The following SLC35F3 variants were observed in gnomAD, a reference collection of about 807,000 sequenced individuals.
SLC35F3 encodes putative thiamine transporter SLC35F3.
Under a neutral mutation model 49.9 loss-of-function variants are expected in SLC35F3, and 25 were observed. The ratio of observed to expected loss-of-function variants is 0.50; its 90% confidence interval spans 0.37 to 0.70. The LOEUF (loss-of-function observed/expected upper bound fraction) is 0.70. Ranked by LOEUF, SLC35F3 falls within the 30% of genes least tolerant of loss-of-function variation. SLC35F3 has a pLI of 0.00. For synonymous variants in SLC35F3, 275 were observed against 265.4 expected (o/e 1.04, Z -0.35); for missense variants, 525 against 639.8 (o/e 0.82, Z 1.94).
chr1:234,230,093 AG>A (rs1211157966), intron 2 of SLC35F3, among the ~76,000 whole-genome samples: 1 of 152,234 alleles, frequency 6.6e-6, no homozygotes, highest in Non-Finnish European at 1.5e-5. Context: ...TTATTAATAA[AG>A]CAAGTAATGA....
chr1:234,111,939 C>T (rs553719587), intron 2 of SLC35F3, among the ~76,000 whole-genome samples: 5 of 152,312 alleles, frequency 3.3e-5, no homozygotes, highest in Admixed American at 1.3e-4. Flanking sequence ...GGGAGACAAG[C>T]GCCTGAGAAT....
intron 3 of SLC35F3, among the ~76,000 whole-genome samples, chr1:234,307,603 C>T (rs1657230832): frequency 6.6e-6 from 1 of 152,194 alleles, no homozygotes; most frequent in African/African-American, 2.4e-5. Context: ...TTAAGTGGCA[C>T]AGACCAGAGC....
chr1:234,098,856 G>C (rs915121671), intron 2 of SLC35F3, among the ~76,000 whole-genome samples: 191 of 150,860 alleles, frequency 1.3e-3, no homozygotes, highest in Non-Finnish European at 2.5e-3. Flanking sequence ...GGTGGTGGCA[G>C]TTCAGATGGC....
chr1:234,181,338 G>GAAAAAAAAAAAAAAAAGAAAGGAAGAAAA, intron 2 of SLC35F3, among the ~76,000 whole-genome samples: 1 of 97,310 alleles, frequency 1.0e-5, no homozygotes, highest in South Asian at 3.0e-4. Context: ...TCTGTCTCAA[G>GAAAAAAAAAAAAAAAAGAAAGGAAGAAAA]AAAAAAAAAA....
chr1:233,944,259 T>C (rs1471258453), intron 2 of SLC35F3, among the ~76,000 whole-genome samples: 1 of 152,200 alleles, frequency 6.6e-6, no homozygotes, highest in Non-Finnish European at 1.5e-5. Flanking sequence ...AGTTGTTTTT[T>C]TGAAAAAAGT....
At chr1:234,069,415 A>C (rs930047873) in intron 2 of SLC35F3, among the ~76,000 whole-genome samples, 1 of 151,498 alleles carries the variant, frequency 6.6e-6, no homozygotes, top group Admixed American at 6.6e-5. Context: ...GTGCCACCAC[A>C]CCTGGCTAAC....
At chr1:234,100,186 A>G (rs1419937085) in intron 2 of SLC35F3, among the ~76,000 whole-genome samples, 2 of 152,252 alleles carry the variant, frequency 1.3e-5, no homozygotes, top group South Asian at 2.1e-4. Flanking sequence ...GAATACCATT[A>G]TCATCACTAT....
In SLC35F3 at chr1:234,318,949, T is replaced by C; in HGVS notation, c.1147+6T>C. 1 of 1,612,576 alleles carries C rather than the reference T, an allele frequency of 6.2e-7. No individual in the cohort carries two copies. The highest frequency in any genetic ancestry group is 1.1e-5 in the South Asian group (1 of 90,764). Reference sequence around the variant, plus strand: ...ATTTTCAGTTCTTTTATTGAGTAAGTGCTAATCACCTGTCCAGAATTCCCA... The same window carrying C: ...ATTTTCAGTTCTTTTATTGAGTAAGCGCTAATCACCTGTCCAGAATTCCCA... On this transcript the variant is annotated splice_donor_region_variant and intron_variant, in intron 6 of 7. Transcript: ENST00000366618.
At chr1:233,974,279 G>C (rs1275090919) in intron 2 of SLC35F3, among the ~76,000 whole-genome samples, 1 of 149,442 alleles carries the variant, frequency 6.7e-6, no homozygotes, top group African/African-American at 2.5e-5. Flanking sequence ...CCGCCTCCTG[G>C]GTTCAAGCAA....
At chr1:233,947,348 G>A (rs1662528827) in intron 2 of SLC35F3, among the ~76,000 whole-genome samples, 1 of 152,018 alleles carries the variant, frequency 6.6e-6, no homozygotes, top group African/African-American at 2.4e-5. Flanking sequence ...GGAGGAGAGA[G>A]AGAGAGAGAG....
At position 234,187,293 on chromosome 1, in the gene SLC35F3, C is replaced by T. The variant is rs117063050; in HGVS notation, c.284-44124C>T. On this transcript the variant is annotated intron_variant, in intron 2 of 7. Transcript: ENST00000366618. ...ATGGAAAACCCACCATTCTCACTTG[C>T]ACAAATGCAAAGTTGTTCAAGAAGT... is the stretch of plus-strand genomic sequence containing the variant. Among the ~76,000 whole-genome samples the T allele has an allele frequency of 6.4e-3, 981 of 152,276 alleles. 8 individuals are homozygous for T. The highest frequency in any genetic ancestry group is 0.04 in the South Asian group (191 of 4,822).
At chr1:234,182,022 A>G (rs1460357215) in intron 2 of SLC35F3, among the ~76,000 whole-genome samples, 1 of 152,220 alleles carries the variant, frequency 6.6e-6, no homozygotes, top group Non-Finnish European at 1.5e-5. Context: ...TCCCTAAAGT[A>G]CATTTCATAT....
chr1:234,083,093 C>T (rs1369784446), intron 2 of SLC35F3, among the ~76,000 whole-genome samples: 1 of 152,158 alleles, frequency 6.6e-6, no homozygotes. Flanking sequence ...CTTTCTGTTT[C>T]CTCCTTAATT....
intron 2 of SLC35F3, among the ~76,000 whole-genome samples, chr1:234,199,223 G>A (rs1023180926): frequency 6.6e-6 from 1 of 151,862 alleles, no homozygotes; most frequent in African/African-American, 2.4e-5. Context: ...GTGAGACCCT[G>A]TCTCGAAAAA....
chr1:234,154,351 G>A (rs1390342223), intron 2 of SLC35F3, among the ~76,000 whole-genome samples: 1 of 152,190 alleles, frequency 6.6e-6, no homozygotes, highest in Non-Finnish European at 1.5e-5. Context: ...AATTGAATTG[G>A]AAATCTCAAT....
Position 233,941,281 on chromosome 1 carries a change from G to C in SLC35F3, c.283+35523G>C, listed in dbSNP as rs143261190. On this transcript the variant is annotated intron_variant, in intron 2 of 7. Coordinates refer to ENST00000366618, the MANE Select transcript of SLC35F3 (RefSeq NM_173508.4). ...CCTTTTCTAGATACCCAATTTCTCTGAGCTGATTTAACCTTGCATTATAAC... is the reference window on the plus strand; with the variant it reads ...CCTTTTCTAGATACCCAATTTCTCTCAGCTGATTTAACCTTGCATTATAAC... 2.0e-3 allele frequency among the ~76,000 whole-genome samples: 299 copies of C among 152,212 alleles called. 3 individuals carry two copies. Among genetic ancestry groups the C allele is most frequent in the African/African-American group, 6.6e-3 (273 of 41,504 alleles).
At chr1:234,295,757 C>T (rs1668583129) in intron 3 of SLC35F3, among the ~76,000 whole-genome samples, 1 of 152,162 alleles carries the variant, frequency 6.6e-6, no homozygotes, top group African/African-American at 2.4e-5. Flanking sequence ...AATAACCACC[C>T]CTGAGGAAGA....
Position 234,278,232 on chromosome 1 carries a change from T to C in SLC35F3, c.609-30869T>C, listed in dbSNP as rs545156429. On this transcript the variant is annotated intron_variant, in intron 3 of 7. Coordinates refer to ENST00000366618, the MANE Select transcript of SLC35F3 (RefSeq NM_173508.4). The stretch of plus-strand genomic sequence containing the variant: ...AGGGCCGGGTGCGGTGGCTCATGCC[T>C]GTAATCCCCGCACTTTGAGAGGCCA... Among the ~76,000 whole-genome samples the C allele has an allele frequency of 1.2e-4, 18 of 151,960 alleles. No individual in the cohort carries two copies. The South Asian group carries it at 3.5e-3, about 30-fold the overall frequency.
intron 2 of SLC35F3, among the ~76,000 whole-genome samples, chr1:233,979,040 T>TAA (rs112116771): frequency 2.9e-5 from 3 of 101,968 alleles, no homozygotes; most frequent in South Asian, 3.0e-4. Context: ...CGTTTCCAAT[T>TAA]AAAAAAAAAA....
Sources: allele counts gnomAD v4.1 joint callset (sites outside exome capture counted in the v4.1 genomes callset), GRCh38; gene constraint gnomAD v4.1.1; transcripts MANE v1.5; gene names NCBI Gene and HGNC (gene_info 2026-07-23, HGNC 2026-07-21).